The following PTPRT variants were observed in gnomAD, a reference collection of about 807,000 sequenced individuals.
PTPRT encodes protein tyrosine phosphatase receptor type T.
A neutral mutation model predicts 176.8 loss-of-function variants in PTPRT; 56 were observed. The ratio of observed to expected loss-of-function variants is 0.32; its 90% CI spans 0.26 to 0.40. PTPRT has a LOEUF of 0.40. PTPRT is among the 10% of genes least tolerant of loss of function. PTPRT has a pLI of 1.00. For missense variants in PTPRT, 1,540 were observed against 1,908.2 expected, an observed-to-expected ratio of 0.81 and a Z score of 3.60; for synonymous variants, 783 against 739.0, an observed-to-expected ratio of 1.06 and a Z score of -0.96.
intron 2 of PTPRT, among the ~76,000 whole-genome samples, chr20:42,866,905 G>A (rs534883745): frequency 6.6e-6 from 1 of 152,270 alleles, no homozygotes; most frequent in Non-Finnish European, 1.5e-5. Context: ...CCTTCAAAAG[G>A]CTGTTGTAAA....
At chr20:42,381,781 AGACATCTGGGAAATAATGTTCATCTT>A (rs2058700550) in intron 9 of PTPRT, among the ~76,000 whole-genome samples, 1 of 152,314 alleles carries the variant, frequency 6.6e-6, no homozygotes, top group East Asian at 1.9e-4. Context: ...TTTCCAACTT[AGACATCTGGGAAATAATGTTCATCTT>A]TACTGTGTTC....
chr20:42,171,909 G>A (rs923484672), intron 16 of PTPRT, among the ~76,000 whole-genome samples: 1 of 151,930 alleles, frequency 6.6e-6, no homozygotes, highest in Non-Finnish European at 1.5e-5. Context: ...CACTAAAGAC[G>A]AACTCATAGT....
At chr20:42,283,505 T>C (rs754046879) in intron 12 of PTPRT, among the ~76,000 whole-genome samples, 1 of 152,062 alleles carries the variant, frequency 6.6e-6, no homozygotes, top group South Asian at 2.1e-4. Context: ...TGAACTTCAG[T>C]GGCTAAAAAC....
chr20:42,372,863 C>T (rs1478441879), intron 9 of PTPRT, among the ~76,000 whole-genome samples: 1 of 152,178 alleles, frequency 6.6e-6, no homozygotes, highest in Non-Finnish European at 1.5e-5. Flanking sequence ...AACTTGCTGG[C>T]AATTTAATCT....
At chr20:42,219,329 C>A (rs2055833184) in intron 15 of PTPRT, among the ~76,000 whole-genome samples, 3 of 152,152 alleles carry the variant, frequency 2.0e-5, no homozygotes, top group Admixed American at 2.0e-4. Context: ...TCTGAGAGGA[C>A]TGGGGAGACC....
Position 43,131,296 on chromosome 20 carries a change from A to G in PTPRT, c.88+58350T>C, listed in dbSNP as rs142919863. Among the ~76,000 whole-genome samples, 101 of 152,270 alleles carry G rather than the reference A, an allele frequency of 6.6e-4. 1 individual carries two copies. Among genetic ancestry groups the G allele is most frequent in the African/African-American group, 2.2e-3 (92 of 41,570 alleles). On this transcript the variant is annotated intron_variant, in intron 1 of 30. Coordinates refer to ENST00000373187, the MANE Select transcript of PTPRT (RefSeq NM_007050.6). ...CGGATCCTTCCAAGGACAAGCTTCAAAGTCATTCATGCCAAAATTGGGAAT... is the reference window on the plus strand; with the variant it reads ...CGGATCCTTCCAAGGACAAGCTTCAGAGTCATTCATGCCAAAATTGGGAAT...
rs115927792 is a variant in PTPRT at position 42,934,682 on chromosome 20, C to T, written c.89-48750G>A. On this transcript the variant is annotated intron_variant, in intron 1 of 30. Transcript: ENST00000373187. ...CTTCAGTCCCTTGCCTTGTGAGTGT[C>T]GCTATAGAGTGTCTCACAACACACC... 3.9e-3 allele frequency among the ~76,000 whole-genome samples: 587 copies of T among 152,174 alleles called. 4 individuals are homozygous for T. The highest frequency in any genetic ancestry group is 0.012 in the African/African-American group (513 of 41,500).
intron 27 of PTPRT, among the ~76,000 whole-genome samples, chr20:42,091,518 G>A (rs947359234): frequency 1.3e-5 from 2 of 152,092 alleles, no homozygotes; most frequent in African/African-American, 2.4e-5. Flanking sequence ...ATATCATCAC[G>A]TTAGAAATAA....
chr20:43,060,681 C>G (rs78126139), intron 1 of PTPRT, among the ~76,000 whole-genome samples: 15,249 of 152,230 alleles, frequency 0.1, 905 homozygotes, highest in African/African-American at 0.15. Context: ...ACAGTGCCCA[C>G]CATGCATTTA....
At chr20:43,116,283 C>T (rs183370809) in intron 1 of PTPRT, among the ~76,000 whole-genome samples, 3 of 152,270 alleles carry the variant, frequency 2.0e-5, no homozygotes, top group Admixed American at 2.0e-4. Context: ...CAGATACCAC[C>T]ACTGGAAAAG....
intron 6 of PTPRT, among the ~76,000 whole-genome samples, chr20:42,684,081 G>A (rs541601918): frequency 6.7e-4 from 102 of 152,210 alleles, no homozygotes; most frequent in Non-Finnish European, 8.1e-4. Flanking sequence ...GGCTGGGAAC[G>A]GTGACTCATT....
chr20:42,998,672 T>G (rs879794291), intron 1 of PTPRT, among the ~76,000 whole-genome samples: 1 of 152,232 alleles, frequency 6.6e-6, no homozygotes, highest in Non-Finnish European at 1.5e-5. Flanking sequence ...ATGGAATTAT[T>G]CATTCAATAA....
intron 7 of PTPRT, among the ~76,000 whole-genome samples, chr20:42,650,913 C>T (rs1468021154): frequency 6.6e-6 from 1 of 151,932 alleles, no homozygotes; most frequent in East Asian, 1.9e-4. Flanking sequence ...TTAAGAAACC[C>T]CAGCAATACC....
At chr20:42,067,420 G>A in the PTPRT span, among the ~76,000 whole-genome samples, 1 of 152,144 alleles carries the variant, frequency 6.6e-6, no homozygotes, top group Non-Finnish European at 1.5e-5. Context: ...GATAGGCTGG[G>A]CGTAAGCATT....
intron 9 of PTPRT, among the ~76,000 whole-genome samples, chr20:42,410,343 A>T (rs929198513): frequency 6.6e-6 from 1 of 152,186 alleles, no homozygotes; most frequent in Non-Finnish European, 1.5e-5. Flanking sequence ...TAATAAAATC[A>T]ATAAAAATAG....
At chr20:42,728,609 T>A (rs1251374209) in intron 6 of PTPRT, among the ~76,000 whole-genome samples, 3 of 152,098 alleles carry the variant, frequency 2.0e-5, no homozygotes, top group Non-Finnish European at 4.4e-5. Flanking sequence ...ATCCTCAGAA[T>A]CTTCTAAGGT....
intron 17 of PTPRT, among the ~76,000 whole-genome samples, chr20:42,159,185 T>C (rs1007332869): frequency 1.3e-5 from 2 of 151,626 alleles, no homozygotes; most frequent in Admixed American, 1.3e-4. Context: ...TAATGTTGAA[T>C]ATACCATTTC....
At chr20:42,919,964 C>A (rs1197199967) in intron 1 of PTPRT, among the ~76,000 whole-genome samples, 1 of 152,164 alleles carries the variant, frequency 6.6e-6, no homozygotes, top group East Asian at 1.9e-4. Context: ...CCAATCCCCG[C>A]CTAGAATTCT....
At chr20:42,995,246 G>A (rs1242527921) in intron 1 of PTPRT, among the ~76,000 whole-genome samples, 5 of 152,146 alleles carry the variant, frequency 3.3e-5, no homozygotes, top group Admixed American at 3.3e-4. Flanking sequence ...GCTTATCTGC[G>A]TGCTTCTAGT....
Sources: gnomAD v4.1 joint callset for allele counts (sites outside exome capture counted in the v4.1 genomes callset) on GRCh38, gnomAD v4.1.1 for gene constraint, MANE v1.5 for transcripts, NCBI Gene and HGNC (gene_info 2026-07-23, HGNC 2026-07-21) for gene names.